The following ADAD2 variants were observed in gnomAD, a reference collection of about 807,000 sequenced individuals.
The protein encoded by ADAD2 is adenosine deaminase domain containing 2, also known as adenosine deaminase domain-containing protein 2.
In ADAD2, 60 loss-of-function variants were observed where a neutral mutation model predicts 54.5. That is an observed-to-expected ratio of 1.10 (90% CI 0.89 to 1.36). The LOEUF (loss-of-function observed/expected upper bound fraction) is 1.36, where lower values mean the gene tolerates loss of function less well. ADAD2 is among the 40% of genes most tolerant of loss of function. ADAD2 has a pLI of 0.00. For synonymous variants in ADAD2, 543 were observed against 366.2 expected (o/e 1.48, Z -5.51); for missense variants, 1,103 against 801.3 (o/e 1.38, Z -4.54).
In ADAD2 at chr16:84,194,923, C is replaced by G. The variant is rs754843161; in HGVS notation, c.560-10C>G. 1 of 1,601,986 alleles carries G rather than the reference C, an allele frequency of 6.2e-7. No individual in the cohort carries two copies. The stretch of plus-strand genomic sequence containing the variant: ...CACCCACACCAGCCCGCCCTCCTTG[C>G]CTCTTTCAGAGTCCCCCCAGACCTC... On this transcript the variant is annotated splice_polypyrimidine_tract_variant and intron_variant, in intron 2 of 9. Transcript: ENST00000315906.
At chr16:84,196,515 GC>G in intron 8 of ADAD2, 131 bp from the exon 9 acceptor site, 1 of 1,544,778 alleles carries the variant, frequency 6.5e-7, no homozygotes, top group Non-Finnish European at 8.7e-7. Flanking sequence ...CGTAGTGGTG[GC>G]CACACCTCTG....
intron 1 of ADAD2, 90 bp from the exon 2 acceptor site, chr16:84,194,352 C>A (rs1420564397): frequency 6.5e-7 from 1 of 1,549,006 alleles, no homozygotes. Context: ...TCTGACCGTC[C>A]TCGATATCAG....
rs766273247 is a variant in ADAD2, at chr16:84,196,132, T to C, written c.1288T>C (p.Ser430Pro). 1 of 1,602,458 alleles carries C rather than the reference T, an allele frequency of 6.2e-7. No individual in the cohort carries two copies. The highest frequency in any genetic ancestry group is 1.1e-5 in the South Asian group (1 of 91,066). ...CTGTCCCTTCTGCCCTGCAGCTGAC[T>C]CATGCCACGACCCTCCGACTCTGAG... is the stretch of plus-strand genomic sequence containing the variant. ...LYSTSLILAD[S>P]CHDPPTLSRA... is the part of the protein sequence containing the mutation. Residue 430 changes from serine (S) to proline (P), a missense_variant, in exon 8 of 10, where the codon TCA becomes CCA. Coordinates refer to ENST00000315906, the MANE Select transcript of ADAD2 (RefSeq NM_001145400.2).
chr16:84,194,847 C>G, intron 2 of ADAD2, 86 bp from the exon 3 acceptor site: 1 of 1,437,794 alleles, frequency 7.0e-7, no homozygotes, highest in South Asian at 1.4e-5. Flanking sequence ...AAGATGAAAA[C>G]TTCCTCTCCC....
At chr16:84,195,719 G>A (rs1258520966) in intron 6 of ADAD2, 22 bp downstream of exon 6, 1 of 1,528,666 alleles carries the variant, frequency 6.5e-7, no homozygotes. Context: ...CCCCGGGGCA[G>A]GCGGGGGATG....
intron 2 of ADAD2, 117 bp from the exon 3 acceptor site, chr16:84,194,816 C>A: frequency 7.7e-7 from 1 of 1,298,668 alleles, no homozygotes. Context: ...AAGAGCAGCT[C>A]GTGTAATGTC....
intron 1 of ADAD2, chr16:84,194,220 G>T: frequency 6.4e-7 from 1 of 1,561,114 alleles, no homozygotes; most frequent in East Asian, 2.4e-5. Flanking sequence ...TGGAGGAGTT[G>T]GGTGAGGACT....
rs1296756880 is a variant in ADAD2 at position 84,195,860 on chromosome 16, G to A, written c.1098G>A (p.Met366Ile). 1.2e-6 allele frequency: 2 copies of A among 1,606,370 alleles called. No individual in the cohort carries two copies. The highest frequency in any genetic ancestry group is 2.7e-5 in the African/African-American group (2 of 74,854). The stretch of plus-strand genomic sequence containing the variant: ...GTGGCCTCCCGCACAGCCCACCCAT[G>A]CGCCTGCAGGCCCATGTGCTCGGGC... ...SEGGLPHSPP[M>I]RLQAHVLGQL... is the part of the protein sequence containing the mutation. The change falls in exon 7 of 10, where the codon ATG (methionine) becomes ATA (isoleucine). Residue 366 changes from methionine (M) to isoleucine (I), a missense_variant. Coordinates refer to ENST00000315906, the MANE Select transcript of ADAD2 (RefSeq NM_001145400.2).
At position 84,196,739 on chromosome 16, in the gene ADAD2, T is replaced by C. The variant is rs1470828439; in HGVS notation, c.1619T>C (p.Leu540Pro). 4 of 1,612,822 alleles carry C rather than the reference T, an allele frequency of 2.5e-6. No individual in the cohort carries two copies. The highest frequency in any genetic ancestry group is 3.4e-6 in the Non-Finnish European group (4 of 1,179,796). ...AGGGCTGTGGGGAAGCCCTACCTCC[T>C]GGCCTTGAAGACCTACGAGGCTGCC... ...AARAVGKPYL[L>P]ALKTYEAAKA... is the part of the protein sequence containing the mutation. The change falls in exon 9 of 10, where the codon CTG becomes CCG. Residue 540 changes from leucine (L) to proline (P), a missense_variant. Physicochemically the swap from Leu to Pro is moderately conservative, Grantham distance 98. Transcript: ENST00000315906.
rs778824204 is a variant in ADAD2 at position 84,191,190 on chromosome 16, C to G, written c.-41C>G. 2.5e-6 allele frequency: 4 copies of G among 1,584,388 alleles called. No individual in the cohort carries two copies. The highest frequency in any genetic ancestry group is 2.6e-6 in the Non-Finnish European group (3 of 1,162,968). ...TGCGCGTGTGAAAGGGCGAGAGCAG[C>G]GCGAGATAGGGCCTAGCGCCTCAGA... On this transcript the variant is annotated 5_prime_UTR_variant, in exon 1 of 10. Coordinates refer to ENST00000315906, the MANE Select transcript of ADAD2 (RefSeq NM_001145400.2).
At position 84,196,134 on chromosome 16, in the gene ADAD2, A is replaced by T; in HGVS notation, c.1290A>T (p.Ser430=). Residue 430 remains serine (S), a synonymous_variant, in exon 8 of 10, where the codon TCA becomes TCT. Transcript: ENST00000315906. ...GTCCCTTCTGCCCTGCAGCTGACTC[A>T]TGCCACGACCCTCCGACTCTGAGCA... ...LYSTSLILAD[S]CHDPPTLSRA... The T allele has an allele frequency of 6.2e-7, 1 of 1,602,514 alleles. No homozygotes were observed. The highest frequency in any genetic ancestry group is 8.5e-7 in the Non-Finnish European group (1 of 1,179,712).
At chr16:84,194,738 G>T (rs1345311719) in intron 2 of ADAD2, 156 bp downstream of exon 2, 2 of 1,379,112 alleles carry the variant, frequency 1.5e-6, no homozygotes, top group Non-Finnish European at 2.0e-6. Context: ...GCAGGGAGCT[G>T]GGGCGGGGTA....
Position 84,194,516 on chromosome 16 carries a change from A to C in ADAD2, c.493A>C (p.Thr165Pro). Residue 165 changes from threonine (T) to proline (P), a missense_variant, in exon 2 of 10, where the codon ACG (threonine) becomes CCG (proline). By Grantham distance (38) the Thr-to-Pro change is conservative. Coordinates refer to ENST00000315906, the MANE Select transcript of ADAD2 (RefSeq NM_001145400.2). ...CCCTGCGGGCACTGCGAATAGCAAGACGGAGGCCAAACAGCAGGCAGCGCT... is the reference window on the plus strand; with the variant it reads ...CCCTGCGGGCACTGCGAATAGCAAGCCGGAGGCCAAACAGCAGGCAGCGCT... ...VCPAGTANSK[T>P]EAKQQAALSA... 6.2e-7 allele frequency: 1 copy of C among 1,612,430 alleles called. No homozygotes were observed. Among genetic ancestry groups the C allele is most frequent in the Non-Finnish European group, 8.5e-7 (1 of 1,179,582 alleles).
At position 84,195,929 on chromosome 16, in the gene ADAD2, C is replaced by A; in HGVS notation, c.1167C>A (p.Thr389=). ...ACGTGGCGCCCTCGCTCTGTGACACCCACGTGGGCTGCCTGTCAGCCAGTG... is the reference window on the plus strand; with the variant it reads ...ACGTGGCGCCCTCGCTCTGTGACACACACGTGGGCTGCCTGTCAGCCAGTG... The part of the protein sequence containing the change: ...VCYVAPSLCD[T]HVGCLSASDK... Residue 389 remains threonine (T), a synonymous_variant, in exon 7 of 10, where the codon ACC becomes ACA. Coordinates refer to ENST00000315906, the MANE Select transcript of ADAD2 (RefSeq NM_001145400.2). The A allele has an allele frequency of 6.3e-7, 1 of 1,599,750 alleles. No homozygotes were observed. The highest frequency in any genetic ancestry group is 1.1e-5 in the South Asian group (1 of 91,042).
chr16:84,194,195 C>T (rs1260088621), intron 1 of ADAD2: 2 of 1,579,212 alleles, frequency 1.3e-6, no homozygotes, highest in Admixed American at 3.7e-5. Flanking sequence ...GAAATGGAGT[C>T]ACGCATCCCT....
In ADAD2 at chr16:84,195,441, G is replaced by T. The variant is rs1423565343; in HGVS notation, c.879G>T (p.Leu293=). 1.2e-6 allele frequency: 2 copies of T among 1,609,678 alleles called. No homozygotes were observed. The highest frequency in any genetic ancestry group is 1.1e-5 in the South Asian group (1 of 91,002). Residue 293 remains leucine (L), a synonymous_variant, in exon 5 of 10, where the codon CTG becomes CTT. Transcript: ENST00000315906. ...CHGLVIARRA[L]LRFLFRQLLL... ...GCCTGGTCATCGCCCGCAGGGCCCT[G>T]CTGAGGTGAGGGGCAGTGGGGTGGG... is the stretch of plus-strand genomic sequence containing the variant.
rs1172591320 is a variant in ADAD2 at position 84,195,970 on chromosome 16, G to A, written c.1208G>A (p.Trp403Ter). 1 of 1,599,150 alleles carries A rather than the reference G, an allele frequency of 6.3e-7. No homozygotes were observed. Among genetic ancestry groups the A allele is most frequent in the Admixed American group, 1.7e-5 (1 of 59,962 alleles). Residue 403 changes from tryptophan (W) to a stop codon, truncating the protein, a stop_gained, in exon 7 of 10, where the codon TGG (tryptophan) becomes TAG (stop). Coordinates refer to ENST00000315906, the MANE Select transcript of ADAD2 (RefSeq NM_001145400.2). LOFTEE classifies it high-confidence loss of function. ...TCAGCCAGTGACAAGCTGGCACGCT[G>A]GGCCGTGCTGGGGCTGGGTGGTGCC... ...CLSASDKLAR[W>*]AVLGLGGALL...
intron 1 of ADAD2, chr16:84,194,062 T>C: frequency 6.2e-7 from 1 of 1,611,644 alleles, no homozygotes; most frequent in Non-Finnish European, 8.5e-7. Flanking sequence ...AATGTGTCTG[T>C]GGCAGGTGGA....
intron 1 of ADAD2, chr16:84,194,144 A>G (rs1337689614): frequency 6.2e-7 from 1 of 1,612,394 alleles, no homozygotes; most frequent in East Asian, 2.2e-5. Flanking sequence ...TTGGGTCCTG[A>G]CTCAAGTTGG....
Sources: gnomAD v4.1 joint callset for allele counts on GRCh38, gnomAD v4.1.1 for gene constraint, MANE v1.5 for transcripts, NCBI Gene and HGNC (gene_info 2026-07-23, HGNC 2026-07-21) for gene names.